Variants in CT45A1 observed in about 807,000 individuals in gnomAD.
CT45A1 encodes the protein cancer/testis antigen family 45 member A1.
At position 135,713,696 on chromosome X, in the gene CT45A1, G is replaced by T; in HGVS notation, c.-7+6G>T. 1 of 748,414 alleles carries T rather than the reference G, an allele frequency of 1.3e-6. No homozygotes were observed. The highest frequency in any genetic ancestry group is 1.6e-6 in the Non-Finnish European group (1 of 634,221). 61.7% of individuals were successfully genotyped at this position (748,414 alleles called of 1,213,427 possible). ...GCTGTCTCTCCTCCAGCAAGGTCAG[G>T]ACTTAAGGACTGTGAGTGGGGCAGT... is the stretch of plus-strand genomic sequence containing the variant. On this transcript the variant is annotated splice_donor_region_variant and intron_variant, in intron 1 of 4. Coordinates refer to ENST00000594565, the MANE Select transcript of CT45A1 (RefSeq NM_001017417.3).
chrX:135,708,780 A>G (rs1390809104), upstream of CT45A1, among the ~76,000 whole-genome samples: 1 of 111,431 alleles, frequency 9.0e-6, no homozygotes, highest in East Asian at 2.8e-4. Context: ...ACTCAGTTAG[A>G]AGGTCCCTGA....
In CT45A1 at chrX:135,715,384, ATAATAC is replaced by A. The variant is rs1381441588; in HGVS notation, c.-7+1696_-7+1701del. On this transcript the variant is annotated intron_variant, in intron 1 of 4. Transcript: ENST00000594565. ...ATACTTATATATATAATACTTATAT[ATAATAC>A]TTATATATATAATACTTATATATAA... is the stretch of plus-strand genomic sequence containing the variant. Among the ~76,000 whole-genome samples the A allele has an allele frequency of 1.2e-3, 83 of 69,325 alleles. 1 individual carries two copies. The highest frequency in any genetic ancestry group is 4.6e-3 in the African/African-American group (74 of 16,189). 60.2% of individuals were successfully genotyped at this position (69,325 alleles called of 115,157 possible). A position where few individuals can be genotyped will look rare whatever the true frequency, so the allele number is the denominator to read the frequency against.
chrX:135,712,209 A>T (rs782225986), upstream of CT45A1, among the ~76,000 whole-genome samples: 1 of 51,527 alleles, frequency 1.9e-5, no homozygotes, highest in Non-Finnish European at 3.5e-5. Flanking sequence ...TTTTTTAGAC[A>T]GTCTCACTTT....
At chrX:135,715,365 A>ATATATATAATACT (rs1475843429) in intron 1 of CT45A1, among the ~76,000 whole-genome samples, 863 of 64,744 alleles carry the variant, frequency 0.013, 60 homozygotes, top group African/African-American at 0.045. Flanking sequence ...TATAATACTT[A>ATATATATAATACT]TATATATAAT....
chrX:135,712,939 TTC>T (rs1199611835), upstream of CT45A1, among the ~76,000 whole-genome samples: 2 of 77,230 alleles, frequency 2.6e-5, no homozygotes, highest in South Asian at 6.3e-4. Context: ...TTTTCTTTTT[TTC>T]TTTCTTTCTT....
chrX:135,715,334 T>A (rs868912395), intron 1 of CT45A1, among the ~76,000 whole-genome samples: 18 of 53,731 alleles, frequency 3.4e-4, no homozygotes, highest in African/African-American at 1.1e-3. Flanking sequence ...ACTTATATAT[T>A]ATATATATAT....
At chrX:135,712,937 T>TTCTTTC (rs2087944230), upstream of CT45A1, among the ~76,000 whole-genome samples, 1 of 69,548 alleles carries the variant, frequency 1.4e-5, no homozygotes, top group Admixed American at 1.7e-4. Context: ...TCTTTTCTTT[T>TTCTTTC]TTTCTTTCTT....
At chrX:135,713,583 C>T (rs782762017), upstream of CT45A1, 119 of 735,323 alleles carry the variant, frequency 1.6e-4, no homozygotes, top group African/African-American at 2.7e-3. Flanking sequence ...CTAGGGGGCA[C>T]ATTTCCCACA....
intron 1 of CT45A1, among the ~76,000 whole-genome samples, chrX:135,715,519 C>A (rs1413480319): frequency 1.3e-5 from 1 of 74,676 alleles, no homozygotes; most frequent in Non-Finnish European, 2.4e-5. Flanking sequence ...ATATATAATA[C>A]TTATAGGTAT....
Position 135,714,085 on chromosome X carries a change from C to T in CT45A1, c.-7+395C>T, listed in dbSNP as rs2087958258. 2.8e-5 allele frequency among the ~76,000 whole-genome samples: 3 copies of T among 107,973 alleles called. No individual in the cohort carries two copies. The South Asian group carries it at 1.3e-3, about 48-fold the overall frequency. 93.8% of individuals were successfully genotyped at this position (107,973 alleles called of 115,157 possible). ...TCGCAGTCCTGAGCGGGGGCTCTGCCTTGGGGACTCTATCTGTTCTCATGG... is the reference window on the plus strand; with the variant it reads ...TCGCAGTCCTGAGCGGGGGCTCTGCTTTGGGGACTCTATCTGTTCTCATGG... On this transcript the variant is annotated intron_variant, in intron 1 of 4. Coordinates refer to ENST00000594565, the MANE Select transcript of CT45A1 (RefSeq NM_001017417.3).
At chrX:135,715,752 C>A (rs1213151145) in intron 1 of CT45A1, among the ~76,000 whole-genome samples, 3 of 105,013 alleles carry the variant, frequency 2.9e-5, no homozygotes, top group African/African-American at 1.0e-4. Flanking sequence ...ATGTGCAGAA[C>A]GTGCAGGTTT....
upstream of CT45A1, among the ~76,000 whole-genome samples, chrX:135,708,796 T>C (rs782257134): frequency 1.6e-3 from 183 of 111,547 alleles, 1 homozygote; most frequent in African/African-American, 5.8e-3. Flanking sequence ...CCTGATTTTG[T>C]GTGGGAATTA....
At chrX:135,708,549 C>T in the CT45A1 span, among the ~76,000 whole-genome samples, 7 of 110,757 alleles carry the variant, frequency 6.3e-5, no homozygotes, top group Non-Finnish European at 1.1e-4. Flanking sequence ...CTGTGTCAGC[C>T]GTCGGAGACC....
At position 135,718,083 on chromosome X, in the gene CT45A1, T is replaced by A. The variant is rs368850533; in HGVS notation, c.-6-852T>A. ...ACCAGAATAGGAAACTTGCCCTTTTTCCTAAGTTGGTGATAGTTTTTATCA... is the reference window on the plus strand; with the variant it reads ...ACCAGAATAGGAAACTTGCCCTTTTACCTAAGTTGGTGATAGTTTTTATCA... On this transcript the variant is annotated intron_variant, in intron 1 of 4. Transcript: ENST00000594565. 5.4e-5 allele frequency among the ~76,000 whole-genome samples: 6 copies of A among 112,093 alleles called. No homozygotes were observed. The East Asian group carries it at 1.1e-3, about 21-fold the overall frequency.
upstream of CT45A1, among the ~76,000 whole-genome samples, chrX:135,712,447 C>T (rs1244163213): frequency 2.7e-5 from 3 of 109,135 alleles, no homozygotes; most frequent in Non-Finnish European, 3.8e-5. Context: ...CAGGCATGAG[C>T]CACCACACTG....
At chrX:135,715,493 T>G (rs28693923) in intron 1 of CT45A1, among the ~76,000 whole-genome samples, 13,438 of 77,145 alleles carry the variant, frequency 0.17, 1,260 homozygotes, top group Non-Finnish European at 0.22. Context: ...AATACTTATA[T>G]GTATATAATA....
chrX:135,718,680 A>G (rs1387055696), intron 1 of CT45A1, among the ~76,000 whole-genome samples: 1 of 105,954 alleles, frequency 9.4e-6, no homozygotes, highest in African/African-American at 3.4e-5. Flanking sequence ...TTGGTTGATG[A>G]CAGCTGCTTA....
At chrX:135,714,041 C>CAG (rs1556570435) in intron 1 of CT45A1, among the ~76,000 whole-genome samples, 2 of 107,698 alleles carry the variant, frequency 1.9e-5, no homozygotes, top group Non-Finnish European at 3.9e-5. Flanking sequence ...GGGTGCGGTG[C>CAG]TGTTTCTTTC....
chrX:135,714,887 T>C (rs2087965719), intron 1 of CT45A1, among the ~76,000 whole-genome samples: 1 of 106,714 alleles, frequency 9.4e-6, no homozygotes, highest in Non-Finnish European at 1.9e-5. Flanking sequence ...CATTTAACTA[T>C]GTCTTTCATG....
Sources: allele counts gnomAD v4.1 joint callset (sites outside exome capture counted in the v4.1 genomes callset), GRCh38; gene constraint gnomAD v4.1.1; transcripts MANE v1.5; gene names NCBI Gene and HGNC (gene_info 2026-07-23, HGNC 2026-07-21).